The following CSRNP3 variants were observed in gnomAD, a reference collection of about 807,000 sequenced individuals.
CSRNP3 encodes cysteine/serine-rich nuclear protein 3.
In CSRNP3, 12 loss-of-function variants were observed where a neutral mutation model predicts 48.0. The ratio of observed to expected loss-of-function variants is 0.25; its 90% CI spans 0.16 to 0.41. The LOEUF (loss-of-function observed/expected upper bound fraction) is 0.41, where lower values mean the gene tolerates loss of function less well. CSRNP3 is among the 10% of genes least tolerant of loss of function. CSRNP3 has a pLI of 1.00. For missense variants in CSRNP3, 580 were observed against 724.4 expected (o/e 0.80, Z 2.29); for synonymous variants, 263 against 269.7 (o/e 0.98, Z 0.24).
chr2:165,646,880 T>G (rs1234946365), intron 4 of CSRNP3, among the ~76,000 whole-genome samples: 1 of 152,196 alleles, frequency 6.6e-6, no homozygotes, highest in East Asian at 1.9e-4. Context: ...TTATTCATAT[T>G]GAGATTTTAA....
chr2:165,560,400 T>G (rs1244078904), intron 3 of CSRNP3, among the ~76,000 whole-genome samples: 1 of 152,224 alleles, frequency 6.6e-6, no homozygotes, highest in Admixed American at 6.5e-5. Flanking sequence ...TACTACCTTT[T>G]GCTAGCAATC....
chr2:165,485,854 G>T (rs1034278788), intron 1 of CSRNP3, among the ~76,000 whole-genome samples: 1 of 152,134 alleles, frequency 6.6e-6, no homozygotes, highest in Non-Finnish European at 1.5e-5. Flanking sequence ...CACCACAAGT[G>T]GTACAAGGTA....
At chr2:165,534,437 T>C (rs2105246572) in intron 3 of CSRNP3, among the ~76,000 whole-genome samples, 1 of 152,088 alleles carries the variant, frequency 6.6e-6, no homozygotes, top group Admixed American at 6.6e-5. Flanking sequence ...GTAAATTCTT[T>C]ACAATACTTT....
rs1413323315 is a variant in CSRNP3, at chr2:165,683,757, TAATC to T, written c.*4007_*4010del. On this transcript the variant is annotated 3_prime_UTR_variant, in exon 7 of 7. Coordinates refer to ENST00000651982, the MANE Select transcript of CSRNP3 (RefSeq NM_001172173.2). ...AATATTAATGAAGGGTGGCATGAAA[TAATC>T]AAGCTTTCTCAAATCCTCTTAATAT... 3 of 152,070 alleles carry T rather than the reference TAATC, an allele frequency of 2.0e-5. No homozygotes were observed. The highest frequency in any genetic ancestry group is 6.6e-5 in the Admixed American group (1 of 15,228). The allele number at this position is 152,070 out of a possible 1,614,324, so 9.4% of individuals were successfully genotyped here.
intron 5 of CSRNP3, among the ~76,000 whole-genome samples, chr2:165,665,567 C>T (rs1022937008): frequency 6.6e-6 from 1 of 151,986 alleles, no homozygotes; most frequent in Non-Finnish European, 1.5e-5. Context: ...TAAAGACCAG[C>T]CTGGGCAACA....
chr2:165,516,670 T>C (rs1684586498), intron 2 of CSRNP3, among the ~76,000 whole-genome samples: 1 of 152,186 alleles, frequency 6.6e-6, no homozygotes, highest in African/African-American at 2.4e-5. Flanking sequence ...CTTAAGTTCA[T>C]CTACCAAATC....
chr2:165,653,380 T>C (rs1333175923), intron 4 of CSRNP3, among the ~76,000 whole-genome samples: 3 of 152,144 alleles, frequency 2.0e-5, no homozygotes, highest in African/African-American at 7.2e-5. Flanking sequence ...TGAACCCTAA[T>C]AGATAGGAGG....
At chr2:165,519,289 A>G (rs1440087825) in intron 3 of CSRNP3, among the ~76,000 whole-genome samples, 2 of 151,996 alleles carry the variant, frequency 1.3e-5, no homozygotes, top group Non-Finnish European at 1.5e-5. Flanking sequence ...TTTTAATTCG[A>G]GTACATTGGA....
intron 4 of CSRNP3, among the ~76,000 whole-genome samples, chr2:165,637,542 T>G (rs1470856866): frequency 6.6e-6 from 1 of 152,188 alleles, no homozygotes; most frequent in Non-Finnish European, 1.5e-5. Context: ...CATTACTGAG[T>G]GGTTTCTGCT....
At chr2:165,601,294 A>C (rs912699274) in intron 4 of CSRNP3, among the ~76,000 whole-genome samples, 1 of 152,184 alleles carries the variant, frequency 6.6e-6, no homozygotes, top group Admixed American at 6.5e-5. Context: ...GGCACTTCAC[A>C]TAAGTAATGA....
chr2:165,480,774 T>TTTTATATTA, intron 1 of CSRNP3, among the ~76,000 whole-genome samples: 1 of 119,872 alleles, frequency 8.3e-6, no homozygotes, highest in East Asian at 2.6e-4. Flanking sequence ...ATATAAAATT[T>TTTTATATTA]TATATATTAT....
chr2:165,591,846 A>G (rs1205275782), intron 3 of CSRNP3, among the ~76,000 whole-genome samples: 2 of 152,178 alleles, frequency 1.3e-5, no homozygotes, highest in Non-Finnish European at 2.9e-5. Context: ...GCTCTCATGA[A>G]TACCCTCTGT....
At position 165,679,215 on chromosome 2, in the gene CSRNP3, C is replaced by G; in HGVS notation, c.1220C>G (p.Pro407Arg). ...ACCCATGCCGAAGTTGTCCCTCTTC[C>G]TTCAGTTCTTTGTTATTCTGATGGC... The part of the protein sequence containing the change: ...LGTHAEVVPL[P>R]SVLCYSDGTA... Residue 407 changes from proline to arginine, a missense_variant, in exon 7 of 7, where the codon CCT becomes CGT. Physicochemically the swap from Pro to Arg is moderately radical, Grantham distance 103. Coordinates refer to ENST00000651982, the MANE Select transcript of CSRNP3 (RefSeq NM_001172173.2). The G allele has an allele frequency of 6.2e-7, 1 of 1,613,926 alleles. No homozygotes were observed. Among genetic ancestry groups the G allele is most frequent in the Non-Finnish European group, 8.5e-7 (1 of 1,179,976 alleles).
chr2:165,662,088 A>G (rs948157666), intron 5 of CSRNP3, among the ~76,000 whole-genome samples: 6 of 111,422 alleles, frequency 5.4e-5, no homozygotes, highest in African/African-American at 2.0e-4. Context: ...ATGCATATAC[A>G]CTTCTAGATA....
At chr2:165,662,942 A>G (rs566466405) in intron 5 of CSRNP3, among the ~76,000 whole-genome samples, 22 of 152,160 alleles carry the variant, frequency 1.4e-4, no homozygotes, top group Non-Finnish European at 1.6e-4. Flanking sequence ...TTAAAAAACA[A>G]ACAAAAAAAG....
intron 4 of CSRNP3, among the ~76,000 whole-genome samples, chr2:165,600,061 C>G: frequency 6.8e-6 from 1 of 147,074 alleles, no homozygotes; most frequent in African/African-American, 2.5e-5. Context: ...TTAGGTATAT[C>G]TCCTAAAGCT....
intron 2 of CSRNP3, among the ~76,000 whole-genome samples, chr2:165,517,250 T>A (rs1684594114): frequency 6.6e-6 from 1 of 152,038 alleles, no homozygotes; most frequent in African/African-American, 2.4e-5. Flanking sequence ...GTTGCACTAA[T>A]CACTTCTAAT....
intron 3 of CSRNP3, among the ~76,000 whole-genome samples, chr2:165,534,104 T>G (rs2105246292): frequency 6.6e-6 from 1 of 152,160 alleles, no homozygotes; most frequent in African/African-American, 2.4e-5. Flanking sequence ...CATCAAAGGT[T>G]GTATTGCTTT....
At position 165,534,303 on chromosome 2, in the gene CSRNP3, GTATC is replaced by G. The variant is rs60861165; in HGVS notation, c.-24+16348_-24+16351del. Among the ~76,000 whole-genome samples the G allele has an allele frequency of 7.1e-3, 1,078 of 151,782 alleles. 11 individuals are homozygous for G. The highest frequency in any genetic ancestry group is 0.025 in the African/African-American group (1,038 of 41,432). On this transcript the variant is annotated intron_variant, in intron 3 of 6. Coordinates refer to ENST00000651982, the MANE Select transcript of CSRNP3 (RefSeq NM_001172173.2). ...ACTCTGTGCTGATGCACATTTTTTG[GTATC>G]TATCTGTTTCTGAAGTCATCTGAGT...
Sources: allele counts gnomAD v4.1 joint callset (sites outside exome capture counted in the v4.1 genomes callset), GRCh38; gene constraint gnomAD v4.1.1; transcripts MANE v1.5; gene names NCBI Gene and HGNC (gene_info 2026-07-23, HGNC 2026-07-21).